ZNF804A: variants seen among roughly 807,000 people sequenced by gnomAD.
The protein encoded by ZNF804A is zinc finger protein 804A.
In ZNF804A, 2 loss-of-function variants were observed where a neutral mutation model predicts 16.5. The observed-to-expected ratio is 0.12, with a 90% CI of 0.05 to 0.38. The LOEUF is 0.38. Among genes scored for constraint, ZNF804A ranks in the 10% least tolerant of loss-of-function variants. The probability of loss-of-function intolerance (pLI) is 0.99; values close to 1 mark genes in which losing one functional copy is unlikely to be tolerated. For synonymous variants in ZNF804A, 534 were observed against 489.6 expected (o/e 1.09, Z -1.20); for missense variants, 1,473 against 1,390.7 (o/e 1.06, Z -0.94).
intron 1 of ZNF804A, among the ~76,000 whole-genome samples, chr2:184,714,571 A>G (rs778682013): frequency 4.3e-4 from 65 of 152,150 alleles, no homozygotes; most frequent in Non-Finnish European, 7.9e-4. Flanking sequence ...ATTATCTAAA[A>G]AGTGCTAAGA....
chr2:184,790,302 G>A (rs967235018), intron 1 of ZNF804A, among the ~76,000 whole-genome samples: 2 of 151,422 alleles, frequency 1.3e-5, no homozygotes, highest in Non-Finnish European at 2.9e-5. Context: ...GCAAATATGA[G>A]AATAATGTAT....
At chr2:184,829,899 C>CAAAAAAAAAAAAAAAAAAAAAAAAA (rs1244566222) in intron 1 of ZNF804A, among the ~76,000 whole-genome samples, 5 of 38,896 alleles carry the variant, frequency 1.3e-4, no homozygotes, top group Admixed American at 3.8e-4. Context: ...CTGTCTCTAC[C>CAAAAAAAAAAAAAAAAAAAAAAAAA]AAAAAAAAAA....
chr2:184,601,356 A>G (rs1239600495), intron 1 of ZNF804A, among the ~76,000 whole-genome samples: 1 of 152,056 alleles, frequency 6.6e-6, no homozygotes, highest in Non-Finnish European at 1.5e-5. Flanking sequence ...TTTATAGCAC[A>G]TAGGATGCTA....
intron 1 of ZNF804A, among the ~76,000 whole-genome samples, chr2:184,714,165 C>T (rs1384569009): frequency 2.0e-5 from 3 of 151,940 alleles, no homozygotes; most frequent in African/African-American, 7.2e-5. Flanking sequence ...AGTGGTTGAT[C>T]TGCTTCAAAT....
chr2:184,727,202 C>A (rs1040434005), intron 1 of ZNF804A, among the ~76,000 whole-genome samples: 1 of 151,536 alleles, frequency 6.6e-6, no homozygotes, highest in South Asian at 2.1e-4. Flanking sequence ...CCTCACACAT[C>A]TTGAGCATTA....
intron 1 of ZNF804A, among the ~76,000 whole-genome samples, chr2:184,603,577 A>G (rs1691083671): frequency 6.6e-6 from 1 of 152,176 alleles, no homozygotes; most frequent in Admixed American, 6.5e-5. Flanking sequence ...ATCGAAACCC[A>G]TTTAGGTGGC....
At chr2:184,636,684 C>CT (rs755286762) in intron 1 of ZNF804A, among the ~76,000 whole-genome samples, 8 of 150,494 alleles carry the variant, frequency 5.3e-5, no homozygotes, top group Non-Finnish European at 7.4e-5. Flanking sequence ...GTCCTAGATC[C>CT]TTTTTTTTGT....
chr2:184,609,844 C>T (rs1391704702), intron 1 of ZNF804A, among the ~76,000 whole-genome samples: 8 of 152,214 alleles, frequency 5.3e-5, no homozygotes, highest in South Asian at 2.1e-4. Flanking sequence ...ATTCATAGCA[C>T]CCATCTGTAT....
At chr2:184,702,523 C>G (rs1448311136) in intron 1 of ZNF804A, among the ~76,000 whole-genome samples, 1 of 152,036 alleles carries the variant, frequency 6.6e-6, no homozygotes, top group Non-Finnish European at 1.5e-5. Context: ...CTATTCCTAA[C>G]TCCCTTCTTT....
At position 184,692,163 on chromosome 2, in the gene ZNF804A, G is replaced by A. The variant is rs1387558024; in HGVS notation, c.111+93093G>A. Among the ~76,000 whole-genome samples the A allele has an allele frequency of 3.9e-5, 6 of 152,184 alleles. No homozygotes were observed. The East Asian group carries it at 1.2e-3, about 29-fold the overall frequency. On this transcript the variant is annotated intron_variant, in intron 1 of 3. Coordinates refer to ENST00000302277, the MANE Select transcript of ZNF804A (RefSeq NM_194250.2). Reference sequence around the variant, plus strand: ...TGTCTTTATAAATATTAACTAGTGTGTGTGAGTATCTCTGTATATGCATGT... The same window carrying A: ...TGTCTTTATAAATATTAACTAGTGTATGTGAGTATCTCTGTATATGCATGT...
intron 2 of ZNF804A, among the ~76,000 whole-genome samples, chr2:184,928,605 G>T (rs747648213): frequency 2.6e-5 from 4 of 152,056 alleles, no homozygotes; most frequent in Non-Finnish European, 5.9e-5. Context: ...CTAGACTGCC[G>T]CGAGTTGAAT....
At chr2:184,904,259 T>G (rs923841590) in intron 2 of ZNF804A, among the ~76,000 whole-genome samples, 1 of 152,086 alleles carries the variant, frequency 6.6e-6, no homozygotes. Flanking sequence ...ATTAATAGTT[T>G]ACTTAATTTT....
intron 1 of ZNF804A, among the ~76,000 whole-genome samples, chr2:184,608,619 T>C (rs1249151088): frequency 1.3e-5 from 2 of 152,196 alleles, no homozygotes; most frequent in Admixed American, 6.5e-5. Context: ...TGAAACTTTA[T>C]ATTTGACAAG....
chr2:184,782,652 C>CAT (rs537713913), intron 1 of ZNF804A, among the ~76,000 whole-genome samples: 31 of 147,844 alleles, frequency 2.1e-4, no homozygotes, highest in Admixed American at 4.1e-4. Flanking sequence ...ATTTATTAAG[C>CAT]ATATATATAT....
intron 2 of ZNF804A, among the ~76,000 whole-genome samples, chr2:184,884,453 T>G (rs575991839): frequency 4.6e-5 from 7 of 151,658 alleles, no homozygotes; most frequent in Non-Finnish European, 2.9e-5. Context: ...AAAACTACTA[T>G]AAAATTCATA....
chr2:184,822,713 T>C (rs912308037), intron 1 of ZNF804A, among the ~76,000 whole-genome samples: 4 of 152,106 alleles, frequency 2.6e-5, no homozygotes, highest in Non-Finnish European at 5.9e-5. Flanking sequence ...TTCCATTTTG[T>C]TGAATTTAAA....
intron 1 of ZNF804A, among the ~76,000 whole-genome samples, chr2:184,815,468 TG>T (rs1186686916): frequency 6.6e-6 from 1 of 151,834 alleles, no homozygotes; most frequent in Non-Finnish European, 1.5e-5. Flanking sequence ...TAAACATAAA[TG>T]GACATTATAA....
chr2:184,807,720 G>A (rs544377121), intron 1 of ZNF804A, among the ~76,000 whole-genome samples: 2 of 151,836 alleles, frequency 1.3e-5, no homozygotes, highest in South Asian at 2.1e-4. Context: ...ATTATGGACT[G>A]ATGAGTAAGA....
At chr2:184,884,637 A>T (rs1338315814) in intron 2 of ZNF804A, among the ~76,000 whole-genome samples, 1 of 152,178 alleles carries the variant, frequency 6.6e-6, no homozygotes, top group African/African-American at 2.4e-5. Flanking sequence ...TAGAGAACCC[A>T]GAAATAATGC....
Sources: gnomAD v4.1 joint callset for allele counts (sites outside exome capture counted in the v4.1 genomes callset) on GRCh38, gnomAD v4.1.1 for gene constraint, MANE v1.5 for transcripts, NCBI Gene and HGNC (gene_info 2026-07-23, HGNC 2026-07-21) for gene names.